The following SAMD12 variants were observed in gnomAD, a reference collection of about 807,000 sequenced individuals.
The protein encoded by SAMD12 is sterile alpha motif domain containing 12.
SAMD12 carries 9 observed loss-of-function variants against 15.0 expected under a neutral mutation model. The observed-to-expected ratio is 0.60, with a 90% CI of 0.36 to 1.05. The LOEUF (loss-of-function observed/expected upper bound fraction) is 1.05. SAMD12 is among the 50% of genes least tolerant of loss of function. The pLI is 0.01. For missense variants in SAMD12, 230 were observed against 234.2 expected (o/e 0.98, Z 0.12); for synonymous variants, 86 against 90.1 (o/e 0.96, Z 0.25).
chr8:118,552,447 T>G (rs1042823164), intron 2 of SAMD12, among the ~76,000 whole-genome samples: 2 of 152,190 alleles, frequency 1.3e-5, no homozygotes, highest in African/African-American at 4.8e-5. Context: ...TCTCAATAGA[T>G]GCAGAAAAGG....
In SAMD12 at chr8:118,501,113, GT is replaced by G. The variant is rs547796019; in HGVS notation, c.193-61153del. 5.8e-4 allele frequency among the ~76,000 whole-genome samples: 88 copies of G among 152,304 alleles called. 1 individual carries two copies. The East Asian group carries it at 0.015, about 25-fold the overall frequency. Reference sequence around the variant, plus strand: ...ATATGGCCCCTGACTAGGACTGGGTGTTTGCAAGCCAATCTAGCATGAGCTG... The same window carrying G: ...ATATGGCCCCTGACTAGGACTGGGTGTTGCAAGCCAATCTAGCATGAGCTG... On this transcript the variant is annotated intron_variant, in intron 2 of 3. Transcript: ENST00000314727.
Position 118,446,967 on chromosome 8 carries a change from A to G in SAMD12, c.193-7006T>C, listed in dbSNP as rs572711699. On this transcript the variant is annotated intron_variant, in intron 2 of 3. Coordinates refer to ENST00000314727, the MANE Select transcript of SAMD12 (RefSeq NM_207506.3). ...ACATATAATAAATATATCAAACTCA[A>G]CATGTCCAAAATTGAGCTCCTGTTC... Among the ~76,000 whole-genome samples, 268 of 152,266 alleles carry G rather than the reference A, an allele frequency of 1.8e-3. 1 individual carries two copies. The highest frequency in any genetic ancestry group is 3.8e-3 in the Admixed American group (58 of 15,294).
At chr8:118,359,395 T>C (rs762377525) in intron 4 of SAMD12, among the ~76,000 whole-genome samples, 50 of 152,172 alleles carry the variant, frequency 3.3e-4, no homozygotes, top group Non-Finnish European at 2.1e-4. Flanking sequence ...CCACCCAGTC[T>C]GCGGTAGTTT....
chr8:118,378,855 T>C lies in SAMD12; in HGVS notation c.*562A>G. 1.0e-6 allele frequency: 1 copy of C among 984,430 alleles called. No homozygotes were observed. Among genetic ancestry groups the C allele is most frequent in the Non-Finnish European group, 1.2e-6 (1 of 828,904 alleles). The allele number at this position is 984,430 out of a possible 1,614,324, so 61.0% of individuals were successfully genotyped here. On this transcript the variant is annotated 3_prime_UTR_variant, in exon 4 of 4. Transcript: ENST00000314727. ...CTTTATTTTGTCACTTCCACAGTTA[T>C]TGAGATCTTAAGTGCTCTCATCATA...
At chr8:118,532,427 T>C (rs1825715548) in intron 2 of SAMD12, among the ~76,000 whole-genome samples, 1 of 152,174 alleles carries the variant, frequency 6.6e-6, no homozygotes, top group Non-Finnish European at 1.5e-5. Flanking sequence ...TGCCAGGCTT[T>C]GATATCAGGA....
chr8:118,207,575 T>C (rs1469918452), intron 4 of SAMD12, among the ~76,000 whole-genome samples: 1 of 152,232 alleles, frequency 6.6e-6, no homozygotes. Context: ...TGGCAGATTA[T>C]ACTCCGAGGG....
intron 2 of SAMD12, among the ~76,000 whole-genome samples, chr8:118,475,654 G>T (rs1379384874): frequency 6.6e-6 from 1 of 152,150 alleles, no homozygotes; most frequent in South Asian, 2.1e-4. Flanking sequence ...CTGCCTCAAA[G>T]GGACTTAAAT....
intron 4 of SAMD12, among the ~76,000 whole-genome samples, chr8:118,230,088 G>A (rs1418919458): frequency 6.6e-6 from 1 of 152,088 alleles, no homozygotes; most frequent in African/African-American, 2.4e-5. Context: ...AGCTGCCAAG[G>A]AGAAGGAGGA....
At position 118,224,642 on chromosome 8, in the gene SAMD12, G is replaced by T. The variant is rs17432527; in HGVS notation, c.434-26910C>A. Among the ~76,000 whole-genome samples the T allele has an allele frequency of 6.1e-3, 931 of 152,204 alleles. 4 individuals carry two copies. The highest frequency in any genetic ancestry group is 9.7e-3 in the Non-Finnish European group (661 of 68,012). ...AAAAAAGAAAATAAAACAAATAAAAGGGATTTATAAATTTTAAAACAAAGC... is the reference window on the plus strand; with the variant it reads ...AAAAAAGAAAATAAAACAAATAAAATGGATTTATAAATTTTAAAACAAAGC... On this transcript the variant is annotated intron_variant, in intron 4 of 4. Transcript: ENST00000409003.
chr8:118,592,899 A>G (rs1375037489), intron 1 of SAMD12, among the ~76,000 whole-genome samples: 2 of 152,242 alleles, frequency 1.3e-5, no homozygotes, highest in Non-Finnish European at 2.9e-5. Flanking sequence ...AGGCAGAAAC[A>G]GAAGTATCTA....
intron 3 of SAMD12, among the ~76,000 whole-genome samples, chr8:118,387,754 G>A (rs1295858698): frequency 6.6e-6 from 1 of 152,104 alleles, no homozygotes; most frequent in Non-Finnish European, 1.5e-5. Context: ...TTCTTGCAAA[G>A]GGAACAGAAC....
chr8:118,194,508 T>C (rs1819500882), exon 5 of SAMD12: 2 of 152,302 alleles, frequency 1.3e-5, no homozygotes, highest in African/African-American at 4.8e-5. Flanking sequence ...CTTGGCACCA[T>C]GGAAAGTCTC....
chr8:118,237,529 A>C (rs1346278826), intron 4 of SAMD12, among the ~76,000 whole-genome samples: 1 of 152,090 alleles, frequency 6.6e-6, no homozygotes, highest in Non-Finnish European at 1.5e-5. Context: ...CCCCAGCTGT[A>C]AGAAGAGAAG....
chr8:118,297,288 T>C (rs1379622766), intron 4 of SAMD12, among the ~76,000 whole-genome samples: 2 of 152,176 alleles, frequency 1.3e-5, no homozygotes, highest in African/African-American at 4.8e-5. Context: ...ACTGAGGTTA[T>C]CACTATGCAG....
chr8:118,621,107 G>C (rs1033662723), intron 1 of SAMD12: 1 of 152,178 alleles, frequency 6.6e-6, no homozygotes, highest in African/African-American at 2.4e-5. Flanking sequence ...AGGACTTTAC[G>C]GTCAAAACTG....
intron 4 of SAMD12, among the ~76,000 whole-genome samples, chr8:118,346,747 G>A (rs1272326455): frequency 6.6e-6 from 1 of 152,220 alleles, no homozygotes; most frequent in African/African-American, 2.4e-5. Context: ...AAAGGGAAAA[G>A]GCACCTGGGA....
intron 3 of SAMD12, among the ~76,000 whole-genome samples, chr8:118,402,531 G>A (rs1360897409): frequency 6.6e-6 from 1 of 152,200 alleles, no homozygotes; most frequent in African/African-American, 2.4e-5. Context: ...AGCCAGAAAA[G>A]CCCCTTATGG....
chr8:118,270,249 C>A (rs1198699766), intron 4 of SAMD12, among the ~76,000 whole-genome samples: 2 of 151,976 alleles, frequency 1.3e-5, no homozygotes, highest in East Asian at 1.9e-4. Flanking sequence ...TAACATTAGC[C>A]AAAATACCCC....
chr8:118,509,828 G>A (rs530705506), intron 2 of SAMD12, among the ~76,000 whole-genome samples: 51 of 152,276 alleles, frequency 3.3e-4, no homozygotes, highest in Non-Finnish European at 6.8e-4. Flanking sequence ...TATAAATGTT[G>A]ATGGAAGGGT....
Sources: allele counts gnomAD v4.1 joint callset (sites outside exome capture counted in the v4.1 genomes callset), GRCh38; gene constraint gnomAD v4.1.1; transcripts MANE v1.5; gene names NCBI Gene and HGNC (gene_info 2026-07-23, HGNC 2026-07-21).